RGS6: variants seen among roughly 807,000 people sequenced by gnomAD.
RGS6 encodes regulator of G protein signaling 6.
RGS6 carries 30 observed loss-of-function variants against 78.5 expected under a neutral mutation model. That is an observed-to-expected ratio of 0.38 (90% CI 0.29 to 0.52). The LOEUF is 0.52. Ranked by LOEUF, RGS6 falls within the 20% of genes least tolerant of loss-of-function variation. The probability of loss-of-function intolerance (pLI) is 0.85; values close to 1 mark genes in which losing one functional copy is unlikely to be tolerated. For missense variants in RGS6, 495 were observed against 609.7 expected (o/e 0.81, Z 1.98); for synonymous variants, 206 against 206.0 (o/e 1.00, Z 0.00).
chr14:72,510,316 G>T, intron 14 of RGS6, 37 bp downstream of exon 14: 1 of 1,613,486 alleles, frequency 6.2e-7, no homozygotes, highest in Non-Finnish European at 8.5e-7. Context: ...TGCGGAATGT[G>T]TGTGAAGAAA....
At chr14:72,396,295 G>A (rs2091251942) in intron 3 of RGS6, among the ~76,000 whole-genome samples, 1 of 152,216 alleles carries the variant, frequency 6.6e-6, no homozygotes, top group Non-Finnish European at 1.5e-5. Context: ...CAGTGATGAT[G>A]AGCATTTTTC....
At chr14:72,324,818 G>A (rs915412501) in intron 2 of RGS6, among the ~76,000 whole-genome samples, 18 of 152,106 alleles carry the variant, frequency 1.2e-4, no homozygotes, top group South Asian at 2.1e-4. Flanking sequence ...ATAAACATAC[G>A]TGTGCATGTG....
chr14:72,463,227 T>C (rs1224742412), intron 6 of RGS6, among the ~76,000 whole-genome samples: 4 of 152,216 alleles, frequency 2.6e-5, no homozygotes, highest in African/African-American at 7.2e-5. Flanking sequence ...AGAAATTAAA[T>C]ATCCAAGAGA....
At chr14:72,351,197 C>T (rs1405797221) in intron 2 of RGS6, among the ~76,000 whole-genome samples, 1 of 152,148 alleles carries the variant, frequency 6.6e-6, no homozygotes, top group Non-Finnish European at 1.5e-5. Flanking sequence ...TAATACTAAA[C>T]ATTATTTTCT....
intron 2 of RGS6, among the ~76,000 whole-genome samples, chr14:72,041,614 T>G (rs776292773): frequency 1.3e-5 from 2 of 152,220 alleles, no homozygotes; most frequent in African/African-American, 2.4e-5. Context: ...TTCTCCCAAT[T>G]CATTGAGCTG....
At chr14:72,525,379 G>A (rs753166678) in intron 15 of RGS6, among the ~76,000 whole-genome samples, 27 of 152,178 alleles carry the variant, frequency 1.8e-4, no homozygotes, top group Non-Finnish European at 2.8e-4. Context: ...AAGCGGCCCT[G>A]GGTCTGACTT....
intron 3 of RGS6, among the ~76,000 whole-genome samples, chr14:72,381,851 T>C (rs947710381): frequency 2.6e-5 from 4 of 152,068 alleles, no homozygotes; most frequent in African/African-American, 9.7e-5. Context: ...GACTTCTAAC[T>C]ACTGGAAAAT....
At chr14:71,998,410 A>T (rs1419557445) in intron 2 of RGS6, among the ~76,000 whole-genome samples, 1 of 152,170 alleles carries the variant, frequency 6.6e-6, no homozygotes, top group Non-Finnish European at 1.5e-5. Context: ...CTGGAAGGGC[A>T]GCCCCAGGGA....
chr14:72,122,788 A>G (rs1444185002), intron 2 of RGS6, among the ~76,000 whole-genome samples: 1 of 115,302 alleles, frequency 8.7e-6, no homozygotes, highest in Admixed American at 8.5e-5. Context: ...AATCTTTTTT[A>G]TGCTTAAGGT....
chr14:71,963,742 C>T (rs2332701), intron 1 of RGS6, among the ~76,000 whole-genome samples: 11,553 of 152,202 alleles, frequency 0.076, 556 homozygotes, highest in East Asian at 0.21. Flanking sequence ...TGGATATACA[C>T]GTTTTATTTA....
intron 2 of RGS6, among the ~76,000 whole-genome samples, chr14:71,997,731 G>A (rs2082667392): frequency 6.6e-6 from 1 of 152,140 alleles, no homozygotes; most frequent in Non-Finnish European, 1.5e-5. Flanking sequence ...CTGGGAATGA[G>A]ATAAAGACTT....
chr14:72,567,260 A>C (rs1466022870), downstream of RGS6, among the ~76,000 whole-genome samples: 5 of 152,170 alleles, frequency 3.3e-5, no homozygotes, highest in African/African-American at 1.2e-4. Context: ...TGCCCCACAG[A>C]GTTAAGATCA....
chr14:71,881,125 C>T, the RGS6 span, among the ~76,000 whole-genome samples: 1 of 152,170 alleles, frequency 6.6e-6, no homozygotes, highest in African/African-American at 2.4e-5. Context: ...CCTTCAGCCC[C>T]TTCATTTTGG....
intron 1 of RGS6, among the ~76,000 whole-genome samples, chr14:71,944,163 G>A (rs187852213): frequency 3.0e-4 from 46 of 152,184 alleles, no homozygotes; most frequent in Non-Finnish European, 4.7e-4. Context: ...ATAAAAATTC[G>A]TTGCCTAAAC....
intron 2 of RGS6, among the ~76,000 whole-genome samples, chr14:71,984,310 A>AC (rs1421067504): frequency 1.5e-4 from 17 of 110,946 alleles, no homozygotes; most frequent in African/African-American, 3.5e-4. Flanking sequence ...AAAAAAAAAA[A>AC]AAAAAAAAAA....
At chr14:72,402,134 C>G (rs368793287) in intron 3 of RGS6, among the ~76,000 whole-genome samples, 14 of 152,182 alleles carry the variant, frequency 9.2e-5, no homozygotes, top group African/African-American at 3.4e-4. Context: ...CTGGTGCTGC[C>G]TCCCCTTGGC....
chr14:72,200,411 A>T (rs561363519), intron 2 of RGS6, among the ~76,000 whole-genome samples: 1 of 152,350 alleles, frequency 6.6e-6, no homozygotes, highest in East Asian at 1.9e-4. Context: ...AGGCTCTGAT[A>T]TCTCACTTTT....
At chr14:72,078,494 A>G (rs992317309) in intron 2 of RGS6, among the ~76,000 whole-genome samples, 3 of 151,712 alleles carry the variant, frequency 2.0e-5, no homozygotes, top group African/African-American at 7.3e-5. Flanking sequence ...GCTCACTGCA[A>G]CCTCCGCCTC....
the RGS6 span, among the ~76,000 whole-genome samples, chr14:71,918,127 G>GCC: frequency 7.3e-6 from 1 of 136,546 alleles, no homozygotes; most frequent in Non-Finnish European, 1.5e-5. Flanking sequence ...CTTGCAGTGA[G>GCC]CCGAGATCGT....
Sources: allele counts gnomAD v4.1 joint callset (sites outside exome capture counted in the v4.1 genomes callset), GRCh38; gene constraint gnomAD v4.1.1; transcripts MANE v1.5; gene names NCBI Gene and HGNC (gene_info 2026-07-23, HGNC 2026-07-21).